DDX60L: variants seen among roughly 807,000 people sequenced by gnomAD.
DDX60L encodes DExD/H-box 60 like.
A neutral mutation model predicts 211.6 loss-of-function variants in DDX60L; 191 were observed. That is an observed-to-expected ratio of 0.90 (90% CI 0.80 to 1.02). The LOEUF (loss-of-function observed/expected upper bound fraction) is 1.02. Ranked by LOEUF, DDX60L falls within the 50% of genes least tolerant of loss-of-function variation. DDX60L has a pLI of 0.00. For missense variants in DDX60L, 2,007 were observed against 1,984.1 expected (o/e 1.01, Z -0.22); for synonymous variants, 706 against 694.1 (o/e 1.02, Z -0.27).
chr4:168,430,701 C>T (rs1752210320), intron 12 of DDX60L, 63 bp from the exon 13 acceptor site: 3 of 1,211,438 alleles, frequency 2.5e-6, no homozygotes, highest in Non-Finnish European at 2.2e-6. Flanking sequence ...ATGTGTGCTA[C>T]CCACACATTA....
intron 22 of DDX60L, among the ~76,000 whole-genome samples, chr4:168,414,137 T>A (rs1340128408): frequency 1.3e-5 from 2 of 152,102 alleles, no homozygotes; most frequent in Admixed American, 1.3e-4. Flanking sequence ...AGTGAAAATA[T>A]CCTTCAGACA....
rs190465186 is a variant in DDX60L at position 168,461,989 on chromosome 4, C to A, written c.316G>T (p.Ala106Ser). 73 of 1,612,566 alleles carry A rather than the reference C, an allele frequency of 4.5e-5. No homozygotes were observed. The African/African-American group carries it at 8.5e-4, about 19-fold the overall frequency. ...DFPELLSLRT[A>S]LILHLQHNTN... is the part of the protein sequence containing the mutation. ...TTGTGTTGAAGGTGGAGAATTAAAG[C>A]GGTCCTCAATGAAAGAAGTTCAGGA... Residue 106 changes from alanine (A) to serine (S), a missense_variant, in exon 5 of 38, where the codon GCT becomes TCT. Ala to Ser is a moderately conservative substitution (Grantham distance 99). Transcript: ENST00000682922.
chr4:168,445,511 T>C (rs371298963), intron 9 of DDX60L, among the ~76,000 whole-genome samples: 3 of 152,040 alleles, frequency 2.0e-5, no homozygotes, highest in Non-Finnish European at 2.9e-5. Context: ...AAGAGGGAAT[T>C]CTCCCTAACT....
Position 168,430,465 on chromosome 4 carries a change from C to G in DDX60L, c.1677+13G>C. ...ATCAAAGAAAAAAATTAGGTAAAATCTTTGCGATCTACCTGTAATATTTCA... is the reference window on the plus strand; with the variant it reads ...ATCAAAGAAAAAAATTAGGTAAAATGTTTGCGATCTACCTGTAATATTTCA... On this transcript the variant is annotated intron_variant, in intron 13 of 37. Coordinates refer to ENST00000682922, the MANE Select transcript of DDX60L (RefSeq NM_001012967.3). The G allele has an allele frequency of 6.4e-7, 1 of 1,554,270 alleles. No individual in the cohort carries two copies.
intron 27 of DDX60L, 52 bp downstream of exon 27, chr4:168,395,907 A>G: frequency 8.2e-7 from 1 of 1,219,148 alleles, no homozygotes. Context: ...AACGATCACT[A>G]TGATAAAATG....
intron 14 of DDX60L, among the ~76,000 whole-genome samples, chr4:168,426,136 C>G (rs533425922): frequency 6.6e-6 from 1 of 152,164 alleles, no homozygotes; most frequent in African/African-American, 2.4e-5. Flanking sequence ...GGCATCTATT[C>G]CCCCATAGCT....
intron 1 of DDX60L, chr4:168,476,247 T>C (rs1179198076): frequency 6.6e-6 from 1 of 152,098 alleles, no homozygotes; most frequent in Non-Finnish European, 1.5e-5. Context: ...TCTGATTAAG[T>C]AAATAGTATG....
intron 36 of DDX60L, 94 bp from the exon 37 acceptor site, chr4:168,361,305 A>C: frequency 1.3e-6 from 1 of 742,372 alleles, no homozygotes. Flanking sequence ...CATGGCAGTT[A>C]ATTTATCTGC....
rs1381050102 is a variant in DDX60L at position 168,358,160 on chromosome 4, T to C, written c.5108A>G (p.Asn1703Ser). 2 of 1,608,668 alleles carry C rather than the reference T, an allele frequency of 1.2e-6. No individual in the cohort carries two copies. Among genetic ancestry groups the C allele is most frequent in the Admixed American group, 1.7e-5 (1 of 59,114 alleles). The change falls in exon 38 of 38, where the codon AAT becomes AGT. Residue 1703 changes from asparagine (N) to serine (S), a missense_variant. By Grantham distance (46) the Asn-to-Ser change is conservative. Coordinates refer to ENST00000682922, the MANE Select transcript of DDX60L (RefSeq NM_001012967.3). ...TTTTCCATGGTGTTATTCTAAATGA[T>C]TTTGACTCATTTGAATTTGCATTTC... ...LQEMQIQMSQNHLE is the reference protein window; with the variant it reads ...LQEMQIQMSQSHLE
At position 168,415,814 on chromosome 4, in the gene DDX60L, A is replaced by T. The variant is rs777724799; in HGVS notation, c.2727-15T>A. Reference sequence around the variant, plus strand: ...ATTGCAGCCACCTTACAGAATAAACATGCATATAATTTAAATAAAATATAG... The same window carrying T: ...ATTGCAGCCACCTTACAGAATAAACTTGCATATAATTTAAATAAAATATAG... On this transcript the variant is annotated splice_polypyrimidine_tract_variant and intron_variant, in intron 20 of 37. Transcript: ENST00000682922. 5 of 1,491,494 alleles carry T rather than the reference A, an allele frequency of 3.4e-6. No homozygotes were observed. The highest frequency in any genetic ancestry group is 4.5e-6 in the Non-Finnish European group (5 of 1,120,478). The allele number at this position is 1,491,494 out of a possible 1,614,324, so 92.4% of individuals were successfully genotyped here.
intron 36 of DDX60L, among the ~76,000 whole-genome samples, chr4:168,364,919 A>T (rs547242177): frequency 1.3e-5 from 2 of 151,674 alleles, no homozygotes; most frequent in South Asian, 2.1e-4. Flanking sequence ...AACTACTCTT[A>T]AAAAAAACCC....
intron 9 of DDX60L, among the ~76,000 whole-genome samples, chr4:168,443,912 G>A (rs371487052): frequency 4.1e-4 from 58 of 139,808 alleles, no homozygotes; most frequent in South Asian, 7.5e-4. Flanking sequence ...GGTACCAGCC[G>A]CTGCAAAATC....
At chr4:168,423,382 T>C (rs1216999990) in intron 15 of DDX60L, among the ~76,000 whole-genome samples, 2 of 152,124 alleles carry the variant, frequency 1.3e-5, no homozygotes, top group Non-Finnish European at 2.9e-5. Context: ...TTAATTTCTG[T>C]TTTCAGGAAG....
chr4:168,459,531 C>T (rs1458799534), intron 5 of DDX60L, among the ~76,000 whole-genome samples: 3 of 152,040 alleles, frequency 2.0e-5, no homozygotes, highest in Non-Finnish European at 4.4e-5. Context: ...GTGGGTGGAT[C>T]ACCTGAGGTC....
intron 24 of DDX60L, 51 bp from the exon 25 acceptor site, chr4:168,404,157 ACAG>A: frequency 1.7e-6 from 2 of 1,169,640 alleles, no homozygotes; most frequent in Non-Finnish European, 2.3e-6. Flanking sequence ...ATTTGTGGAA[ACAG>A]AAGAAAGAAA....
At chr4:168,396,938 T>C (rs1279896721) in intron 26 of DDX60L, among the ~76,000 whole-genome samples, 1 of 152,194 alleles carries the variant, frequency 6.6e-6, no homozygotes, top group Non-Finnish European at 1.5e-5. Context: ...AACAAATTCA[T>C]ATGTTGAAAT....
chr4:168,471,586 T>A, intron 4 of DDX60L, 161 bp downstream of exon 4: 1 of 528,816 alleles, frequency 1.9e-6, no homozygotes. Flanking sequence ...AGAATGGTTA[T>A]CTCTGAGTAG....
intron 33 of DDX60L, among the ~76,000 whole-genome samples, chr4:168,377,180 T>C (rs1742108112): frequency 6.6e-6 from 1 of 151,980 alleles, no homozygotes; most frequent in African/African-American, 2.4e-5. Context: ...TAATCCCAGC[T>C]ACTTGGGAGG....
rs1324319512 is a variant in DDX60L at position 168,472,500 on chromosome 4, A to G, written c.29T>C (p.Phe10Ser). 1.9e-6 allele frequency: 3 copies of G among 1,578,376 alleles called. No homozygotes were observed. In the African/African-American group the frequency reaches 4.0e-5, roughly 21 times the overall value. Residue 10 changes from phenylalanine to serine, a missense_variant, in exon 3 of 38, where the codon TTC becomes TCC. Physicochemically the swap from Phe to Ser is radical, Grantham distance 155. Transcript: ENST00000682922. ...CAAAATTAACTGTGTCATTTCCCTG[A>G]AAAATACTGCATGATCCTTTGACCC... Reference protein sequence around the residue: MGSKDHAVFFREMTQLILNE... With the variant: MGSKDHAVFSREMTQLILNE...
Sources: gnomAD v4.1 joint callset for allele counts (sites outside exome capture counted in the v4.1 genomes callset) on GRCh38, gnomAD v4.1.1 for gene constraint, MANE v1.5 for transcripts, NCBI Gene and HGNC (gene_info 2026-07-23, HGNC 2026-07-21) for gene names.